Variants in GLDC observed in about 807,000 individuals in gnomAD.
GLDC encodes glycine decarboxylase, also known as glycine dehydrogenase (decarboxylating), mitochondrial.
In GLDC, 104 loss-of-function variants were observed where a neutral mutation model predicts 121.3. The ratio of observed to expected loss-of-function variants is 0.86; its 90% CI spans 0.73 to 1.01. GLDC has a LOEUF of 1.01. GLDC is among the 50% of genes least tolerant of loss of function. GLDC has a pLI of 0.00. For synonymous variants in GLDC, 546 were observed against 480.6 expected, an observed-to-expected ratio of 1.14 and a Z score of -1.78; for missense variants, 1,429 against 1,306.6, an observed-to-expected ratio of 1.09 and a Z score of -1.44.
chr9:6,635,932 A>G (rs1029447241), intron 2 of GLDC, among the ~76,000 whole-genome samples: 2 of 152,204 alleles, frequency 1.3e-5, no homozygotes, highest in African/African-American at 4.8e-5. Context: ...AATGATAATA[A>G]TGAACAGATG....
intron 15 of GLDC, among the ~76,000 whole-genome samples, chr9:6,581,010 T>C (rs1042537027): frequency 4.6e-5 from 7 of 152,232 alleles, no homozygotes; most frequent in Non-Finnish European, 7.3e-5. Flanking sequence ...TGACCGTATA[T>C]GAACTCAAGC....
chr9:6,624,376 G>A (rs11999501), intron 2 of GLDC, among the ~76,000 whole-genome samples: 23,658 of 152,088 alleles, frequency 0.16, 2,016 homozygotes, highest in East Asian at 0.37. Flanking sequence ...GAGCAAAATT[G>A]GGACACACAG....
intron 15 of GLDC, among the ~76,000 whole-genome samples, chr9:6,581,850 A>C (rs1284996513): frequency 6.6e-6 from 1 of 152,172 alleles, no homozygotes; most frequent in Non-Finnish European, 1.5e-5. Flanking sequence ...GCATCAAAAA[A>C]CACTGTAAAC....
chr9:6,621,252 T>C (rs999787225), intron 2 of GLDC, among the ~76,000 whole-genome samples: 3 of 152,222 alleles, frequency 2.0e-5, no homozygotes, highest in African/African-American at 4.8e-5. Context: ...TATTAAGAAG[T>C]ATAAATGTAC....
intron 21 of GLDC, among the ~76,000 whole-genome samples, chr9:6,543,079 C>T (rs952480835): frequency 6.6e-6 from 1 of 151,838 alleles, no homozygotes; most frequent in African/African-American, 2.4e-5. Context: ...GAGTTGGAGA[C>T]CAGCCTGGGC....
At chr9:6,577,608 G>A (rs1818092092) in intron 15 of GLDC, among the ~76,000 whole-genome samples, 1 of 151,958 alleles carries the variant, frequency 6.6e-6, no homozygotes. Flanking sequence ...AAAAACATAA[G>A]GACAAAAAGT....
At position 6,624,871 on chromosome 9, in the gene GLDC, C is replaced by G. The variant is rs193072596; in HGVS notation, c.335-4552G>C. Reference sequence around the variant, plus strand: ...GGCCTGGTGGCATGTGCCTGTAATCCCAGCTACTTGGGAGGCTGACACAGG... The same window carrying G: ...GGCCTGGTGGCATGTGCCTGTAATCGCAGCTACTTGGGAGGCTGACACAGG... On this transcript the variant is annotated intron_variant, in intron 2 of 24. Coordinates refer to ENST00000321612, the MANE Select transcript of GLDC (RefSeq NM_000170.3). Among the ~76,000 whole-genome samples, 643 of 152,132 alleles carry G rather than the reference C, an allele frequency of 4.2e-3. 1 individual carries two copies. Among genetic ancestry groups the G allele is most frequent in the African/African-American group, 0.014 (593 of 41,494 alleles).
rs562544339 is a variant in GLDC, at chr9:6,594,224, CTA to C, written c.1261+788_1261+789del. ...TTTCATTAATAATGAGGCTAAAATTCTATGTCTACTGGCCATTTATTTGTATA... is the reference window on the plus strand; with the variant it reads ...TTTCATTAATAATGAGGCTAAAATTCTGTCTACTGGCCATTTATTTGTATA... On this transcript the variant is annotated intron_variant, in intron 9 of 24. Transcript: ENST00000321612. Among the ~76,000 whole-genome samples the C allele has an allele frequency of 4.0e-3, 610 of 152,178 alleles. 4 individuals are homozygous for C. Among genetic ancestry groups the C allele is most frequent in the African/African-American group, 0.013 (553 of 41,514 alleles).
At chr9:6,629,773 C>CAT (rs575578135) in intron 2 of GLDC, among the ~76,000 whole-genome samples, 3,442 of 149,154 alleles carry the variant, frequency 0.023, 59 homozygotes, top group South Asian at 0.039. Context: ...AGTTTTACAC[C>CAT]ATATATATAT....
At chr9:6,593,218 G>C (rs943491449) in intron 9 of GLDC, 2 of 454,112 alleles carry the variant, frequency 4.4e-6, no homozygotes, top group Non-Finnish European at 7.9e-6. Context: ...GCATTACTGC[G>C]TGTATTTTGG....
chr9:6,590,994 C>G (rs1395552209), intron 11 of GLDC, among the ~76,000 whole-genome samples: 1 of 152,186 alleles, frequency 6.6e-6, no homozygotes, highest in Admixed American at 6.5e-5. Flanking sequence ...TTCATCTATC[C>G]ATTTAACAAA....
chr9:6,599,396 G>A (rs1312480234), intron 8 of GLDC, among the ~76,000 whole-genome samples: 1 of 151,884 alleles, frequency 6.6e-6, no homozygotes, highest in Non-Finnish European at 1.5e-5. Context: ...AACAAATGGA[G>A]GGTAAGCTAC....
At chr9:6,597,702 T>A (rs946607421) in intron 8 of GLDC, among the ~76,000 whole-genome samples, 3 of 152,130 alleles carry the variant, frequency 2.0e-5, no homozygotes, top group African/African-American at 7.2e-5. Flanking sequence ...TTTGGGAGGC[T>A]GAGGCAGGTG....
chr9:6,562,648 C>A lies in GLDC; in HGVS notation c.1926+2706G>T, dbSNP rs530387612. On this transcript the variant is annotated intron_variant, in intron 16 of 24. Coordinates refer to ENST00000321612, the MANE Select transcript of GLDC (RefSeq NM_000170.3). ...GATCTCAGCTCACTGCAACCTCTGC[C>A]TCCTGGATTCAAGTGATTCTCCTGC... 1.1e-4 allele frequency among the ~76,000 whole-genome samples: 16 copies of A among 152,312 alleles called. No individual in the cohort carries two copies. In the South Asian group the frequency reaches 3.1e-3, roughly 30 times the overall value.
intron 17 of GLDC, among the ~76,000 whole-genome samples, chr9:6,556,765 G>A (rs1587925363): frequency 6.7e-6 from 1 of 150,264 alleles, no homozygotes; most frequent in South Asian, 2.1e-4. Context: ...CTGCACTCCA[G>A]CTTGGACAAC....
chr9:6,627,869 T>C, intron 2 of GLDC, among the ~76,000 whole-genome samples: 1 of 152,236 alleles, frequency 6.6e-6, no homozygotes, highest in Middle Eastern at 3.2e-3. Context: ...GTTTGTTCAC[T>C]GGTTGCCATT....
chr9:6,630,053 G>A (rs979188754), intron 2 of GLDC, among the ~76,000 whole-genome samples: 1 of 148,970 alleles, frequency 6.7e-6, no homozygotes, highest in Non-Finnish European at 1.5e-5. Flanking sequence ...GCCTCCCAAA[G>A]TGCTGGGATT....
At chr9:6,546,517 T>C (rs1175910586) in intron 21 of GLDC, among the ~76,000 whole-genome samples, 1 of 151,884 alleles carries the variant, frequency 6.6e-6, no homozygotes, top group Non-Finnish European at 1.5e-5. Context: ...CGACATCTTG[T>C]CCTCTGGAAG....
At chr9:6,586,287 C>T (rs2129828053) in intron 15 of GLDC, among the ~76,000 whole-genome samples, 2 of 152,182 alleles carry the variant, frequency 1.3e-5, no homozygotes, top group Middle Eastern at 3.4e-3. Flanking sequence ...AAGAGCAAAA[C>T]TCCATCTAAA....
Sources: allele counts gnomAD v4.1 joint callset (sites outside exome capture counted in the v4.1 genomes callset), GRCh38; gene constraint gnomAD v4.1.1; transcripts MANE v1.5; gene names NCBI Gene and HGNC (gene_info 2026-07-23, HGNC 2026-07-21).